Variants in UIMC1 observed in about 807,000 individuals in gnomAD.
UIMC1 encodes ubiquitin interaction motif containing 1, also known as BRCA1-A complex subunit RAP80.
In UIMC1, 42 loss-of-function variants were observed where a neutral mutation model predicts 84.9. That is an observed-to-expected ratio of 0.49 (90% CI 0.39 to 0.64). UIMC1 has a LOEUF of 0.64. Ranked by LOEUF, UIMC1 falls within the 30% of genes least tolerant of loss-of-function variation. The probability of loss-of-function intolerance (pLI) is 0.00; values close to 1 mark genes in which losing one functional copy is unlikely to be tolerated. For synonymous variants in UIMC1, 281 were observed against 293.0 expected (o/e 0.96, Z 0.42); for missense variants, 825 against 847.6 (o/e 0.97, Z 0.33).
intron 2 of UIMC1, among the ~76,000 whole-genome samples, chr5:176,979,463 C>G (rs1770675286): frequency 6.6e-6 from 1 of 151,986 alleles, no homozygotes; most frequent in African/African-American, 2.4e-5. Context: ...AAAAATTAGC[C>G]AGGCGTGGTG....
At chr5:176,965,346 C>T (rs934342942) in intron 6 of UIMC1, among the ~76,000 whole-genome samples, 21 of 150,552 alleles carry the variant, frequency 1.4e-4, no homozygotes, top group African/African-American at 4.6e-4. Flanking sequence ...TGCGTGAACC[C>T]GGGAGGTGGA....
At chr5:176,996,199 A>T (rs1301433117) in intron 1 of UIMC1, among the ~76,000 whole-genome samples, 2 of 152,198 alleles carry the variant, frequency 1.3e-5, no homozygotes, top group Non-Finnish European at 2.9e-5. Context: ...AAAAGACTAC[A>T]AACTATGATT....
At chr5:176,981,018 G>C (rs1453758755) in intron 2 of UIMC1, among the ~76,000 whole-genome samples, 1 of 152,122 alleles carries the variant, frequency 6.6e-6, no homozygotes, top group Non-Finnish European at 1.5e-5. Flanking sequence ...TGGGATTATA[G>C]GGATGAGTCA....
intron 1 of UIMC1, among the ~76,000 whole-genome samples, chr5:176,999,594 T>C (rs1419853133): frequency 6.6e-6 from 1 of 151,414 alleles, no homozygotes; most frequent in South Asian, 2.1e-4. Flanking sequence ...CCTTCTACTA[T>C]CTCCATTAGC....
chr5:176,911,331 C>G lies in UIMC1; in HGVS notation c.1656G>C (p.Gln552His). The change falls in exon 11 of 15, where the codon CAG becomes CAC. Residue 552 changes from glutamine to histidine, a missense_variant. By Grantham distance (24) the Gln-to-His change is conservative. Transcript: ENST00000511320. ...KTKSDSGTAA[Q>H]TSLDIDKNEK... ...CTTACTTGTCAATGTCTAGAGAAGT[C>G]TGGGCAGCTGTCCCACTGTCACTCT... 6.3e-7 allele frequency: 1 copy of G among 1,599,466 alleles called. No individual in the cohort carries two copies. The highest frequency in any genetic ancestry group is 8.5e-7 in the Non-Finnish European group (1 of 1,171,950).
At chr5:177,000,657 C>T (rs1360422041) in intron 1 of UIMC1, among the ~76,000 whole-genome samples, 2 of 151,834 alleles carry the variant, frequency 1.3e-5, no homozygotes, top group Non-Finnish European at 2.9e-5. Context: ...TGCACCACCA[C>T]GCCCGGCTAA....
chr5:176,969,898 A>C, intron 4 of UIMC1, 192 bp from the exon 5 acceptor site: 1 of 524,414 alleles, frequency 1.9e-6, no homozygotes. Context: ...CACTATACTA[A>C]ACCCTTTTTT....
intron 6 of UIMC1, among the ~76,000 whole-genome samples, chr5:176,959,356 G>GT: frequency 6.6e-6 from 1 of 152,300 alleles, no homozygotes; most frequent in African/African-American, 2.4e-5. Context: ...TAGTAAGTTA[G>GT]TTATAAGGCA....
chr5:176,912,414 T>C (rs1380979028), intron 10 of UIMC1, among the ~76,000 whole-genome samples: 2 of 152,208 alleles, frequency 1.3e-5, no homozygotes, highest in Non-Finnish European at 2.9e-5. Context: ...CTCCTACTCA[T>C]ATGAAAATGC....
rs945035652 is a variant in UIMC1, at chr5:176,968,694, C to T, written c.1061G>A (p.Gly354Glu). The T allele has an allele frequency of 1.9e-6, 3 of 1,614,166 alleles. No individual in the cohort carries two copies. Among genetic ancestry groups the T allele is most frequent in the Admixed American group, 3.3e-5 (2 of 60,022 alleles). Residue 354 changes from glycine (G) to glutamate (E), a missense_variant, in exon 6 of 15, where the codon GGA (glycine) becomes GAA (glutamate). Coordinates refer to ENST00000511320, the MANE Select transcript of UIMC1 (RefSeq NM_001199298.2). Reference protein sequence around the residue: ...EKNECISEDMGDEDKEERQES... With the variant: ...EKNECISEDMEDEDKEERQES... The stretch of plus-strand genomic sequence containing the variant: ...CTGCCTCTCCTCTTTGTCTTCATCT[C>T]CCATATCTTCTGAGATGCATTCATT...
rs2149442420 is a variant in UIMC1 at position 176,942,884 on chromosome 5, GTCTC to G, written c.1597+447_1597+450del. ...AGCCTGGCCAACATGGCGAAACCCTGTCTCTACTGAAAAAAAGTACAAAAAAAAT... is the reference window on the plus strand; with the variant it reads ...AGCCTGGCCAACATGGCGAAACCCTGTACTGAAAAAAAGTACAAAAAAAAT... On this transcript the variant is annotated intron_variant, in intron 10 of 14. Coordinates refer to ENST00000511320, the MANE Select transcript of UIMC1 (RefSeq NM_001199298.2). Among the ~76,000 whole-genome samples, 3 of 151,354 alleles carry G rather than the reference GTCTC, an allele frequency of 2.0e-5. No individual in the cohort carries two copies. The East Asian group carries it at 5.8e-4, about 29-fold the overall frequency.
chr5:176,968,423 C>T, intron 6 of UIMC1, 132 bp downstream of exon 6: 3 of 1,304,866 alleles, frequency 2.3e-6, no homozygotes, highest in Non-Finnish European at 2.1e-6. Context: ...CCTGTACTTT[C>T]CTAATTTTCT....
chr5:176,991,783 T>C (rs765763886), intron 1 of UIMC1, among the ~76,000 whole-genome samples: 2 of 151,768 alleles, frequency 1.3e-5, no homozygotes, highest in South Asian at 2.1e-4. Context: ...ATACAAAAAA[T>C]TCGCCGGGCG....
intron 6 of UIMC1, among the ~76,000 whole-genome samples, chr5:176,966,635 A>G (rs1301090366): frequency 6.6e-6 from 1 of 152,198 alleles, no homozygotes; most frequent in Admixed American, 6.5e-5. Context: ...GGGAAAAATA[A>G]GATATAAGCT....
chr5:176,982,736 G>C (rs1441938428), intron 1 of UIMC1, 113 bp from the exon 2 acceptor site: 2 of 1,270,424 alleles, frequency 1.6e-6, no homozygotes, highest in African/African-American at 1.5e-5. Flanking sequence ...GTCTCGCTTT[G>C]TTGCCCAGGC....
At chr5:176,966,868 GA>G (rs1236034665) in intron 6 of UIMC1, among the ~76,000 whole-genome samples, 1 of 151,996 alleles carries the variant, frequency 6.6e-6, no homozygotes, top group Admixed American at 6.6e-5. Context: ...ATTATCAAAA[GA>G]AAAAATGATC....
intron 1 of UIMC1, 109 bp downstream of exon 1, chr5:177,006,519 CGGCGTCGGGAGAGGCCTACCTT>C (rs1317836181): frequency 6.6e-6 from 1 of 152,318 alleles, no homozygotes; most frequent in African/African-American, 2.4e-5. Context: ...AGGGCCGCCC[CGGCGTCGGGAGAGGCCTACCTT>C]GGCGTCGGGA....
Position 177,016,523 on chromosome 5 carries a change from T to C in UIMC1, c.-9+5941A>G, listed in dbSNP as rs1018705523. On this transcript the variant is annotated intron_variant, in intron 1 of 5. Transcript: ENST00000509236. The stretch of plus-strand genomic sequence containing the variant: ...TGGCCAACATGGTGAAACGCCCCTC[T>C]ACTAAAAATACAAAAAAATTAGCTG... Among the ~76,000 whole-genome samples, 3 of 146,172 alleles carry C rather than the reference T, an allele frequency of 2.1e-5. No individual in the cohort carries two copies. In the Admixed American group the frequency reaches 2.1e-4, roughly 10 times the overall value.
At chr5:176,969,887 T>C (rs353465) in intron 4 of UIMC1, 181 bp from the exon 5 acceptor site, 163,181 of 592,598 alleles carry the variant, frequency 0.28, 22,779 homozygotes, top group Middle Eastern at 0.36. Context: ...TTGTACTAGA[T>C]CACTATACTA....
Sources: gnomAD v4.1 joint callset for allele counts (sites outside exome capture counted in the v4.1 genomes callset) on GRCh38, gnomAD v4.1.1 for gene constraint, MANE v1.5 for transcripts, NCBI Gene and HGNC (gene_info 2026-07-23, HGNC 2026-07-21) for gene names.